TEX10: variants seen among roughly 807,000 people sequenced by gnomAD.
TEX10 encodes the protein testis expressed 10, also known as testis-expressed protein 10.
A neutral mutation model predicts 104.4 loss-of-function variants in TEX10; 24 were observed. The ratio of observed to expected loss-of-function variants is 0.23; its 90% CI spans 0.17 to 0.32. The LOEUF is 0.32. Ranked by LOEUF, TEX10 falls within the 10% of genes least tolerant of loss-of-function variation. The probability of loss-of-function intolerance (pLI) is 1.00; values close to 1 mark genes in which losing one functional copy is unlikely to be tolerated. For missense variants in TEX10, 921 were observed against 1,083.9 expected (o/e 0.85, Z 2.11); for synonymous variants, 396 against 393.4 (o/e 1.01, Z -0.08).
At chr9:100,330,228 G>A in intron 5 of TEX10, 59 bp from the exon 6 acceptor site, 1 of 1,219,066 alleles carries the variant, frequency 8.2e-7, no homozygotes, top group Non-Finnish European at 1.2e-6. Context: ...TGCTTCATTA[G>A]AATACTTAAA....
rs149900274 is a variant in TEX10 at position 100,336,816 on chromosome 9, T to C, written c.1250+3441A>G. On this transcript the variant is annotated intron_variant, in intron 5 of 14. Transcript: ENST00000374902. Reference sequence around the variant, plus strand: ...CTTCCCTAACTGTGATTTGTGCTGCTGTTCACAGGCTATTTGCTAAGTATT... The same window carrying C: ...CTTCCCTAACTGTGATTTGTGCTGCCGTTCACAGGCTATTTGCTAAGTATT... Among the ~76,000 whole-genome samples the C allele has an allele frequency of 3.6e-3, 551 of 152,304 alleles. 1 individual carries two copies. Among genetic ancestry groups the C allele is most frequent in the Non-Finnish European group, 6.1e-3 (412 of 68,016 alleles).
At chr9:100,329,867 T>TAG in intron 6 of TEX10, 64 bp downstream of exon 6, 3 of 1,351,820 alleles carry the variant, frequency 2.2e-6, no homozygotes, top group Non-Finnish European at 3.1e-6. Flanking sequence ...ATTTCAAAGC[T>TAG]AGACCTTAAG....
chr9:100,338,892 A>C (rs1011822099), intron 5 of TEX10, among the ~76,000 whole-genome samples: 8 of 151,898 alleles, frequency 5.3e-5, no homozygotes, highest in African/African-American at 1.7e-4. Context: ...CTCTGTCTCA[A>C]AAAAAAATCA....
At chr9:100,302,823 G>A (rs568163862) in intron 14 of TEX10, among the ~76,000 whole-genome samples, 28 of 152,148 alleles carry the variant, frequency 1.8e-4, no homozygotes, top group African/African-American at 6.3e-4. Flanking sequence ...AAATACTAAT[G>A]AGCACCTGTG....
intron 7 of TEX10, among the ~76,000 whole-genome samples, chr9:100,328,929 G>C (rs1312768791): frequency 6.6e-6 from 1 of 152,178 alleles, no homozygotes; most frequent in Non-Finnish European, 1.5e-5. Flanking sequence ...TGCCTAAGCA[G>C]TCTTTTATCT....
At chr9:100,313,814 C>T (rs1052984766) in intron 11 of TEX10, among the ~76,000 whole-genome samples, 6 of 148,804 alleles carry the variant, frequency 4.0e-5, no homozygotes, top group Admixed American at 1.3e-4. Flanking sequence ...CACTGCACTC[C>T]GGCTTGGGCG....
chr9:100,311,036 G>A (rs1180187699), intron 11 of TEX10, among the ~76,000 whole-genome samples: 1 of 152,090 alleles, frequency 6.6e-6, no homozygotes, highest in African/African-American at 2.4e-5. Context: ...CAGGTTCTCG[G>A]AAACTATGAC....
Position 100,303,642 on chromosome 9 carries a change from T to A in TEX10, c.2666A>T (p.Lys889Met), listed in dbSNP as rs781214874. The change falls in exon 14 of 15, where the codon AAG becomes ATG. Residue 889 changes from lysine to methionine, a missense_variant. This residue lies in a region of TEX10 where 753 missense variants were observed against 868.4 expected (regional missense o/e 0.87). Coordinates refer to ENST00000374902, the MANE Select transcript of TEX10 (RefSeq NM_017746.4). The part of the protein sequence containing the change: ...TNAILVQQII[K>M]NITTLKSGSV... ...TACCATGCTTCTTACCGTGATATTC[T>A]TGATGATCTGCTGCACCAAGATCGC... 1.2e-6 allele frequency: 2 copies of A among 1,614,096 alleles called. No homozygotes were observed. Among genetic ancestry groups the A allele is most frequent in the Non-Finnish European group, 8.5e-7 (1 of 1,180,018 alleles).
chr9:100,312,884 G>A (rs1010950777), intron 11 of TEX10, among the ~76,000 whole-genome samples: 3 of 152,196 alleles, frequency 2.0e-5, no homozygotes, highest in African/African-American at 7.2e-5. Context: ...GATGTCATTG[G>A]CATGACCCTA....
In TEX10 at chr9:100,330,056, C is replaced by G; in HGVS notation, c.1364G>C (p.Ser455Thr). ...ANASTLQKDC[S>T]WIEMIRKFVT... is the part of the protein sequence containing the mutation. ...AAATTTCCTTATCATTTCTATCCAACTGCAATCCTTCTGCAAAGTTGACGC... is the reference window on the plus strand; with the variant it reads ...AAATTTCCTTATCATTTCTATCCAAGTGCAATCCTTCTGCAAAGTTGACGC... Residue 455 changes from serine (S) to threonine (T), a missense_variant, in exon 6 of 15, where the codon AGT (serine) becomes ACT (threonine). This residue lies in a region of TEX10 where 753 missense variants were observed against 868.4 expected (regional missense o/e 0.87). Coordinates refer to ENST00000374902, the MANE Select transcript of TEX10 (RefSeq NM_017746.4). The G allele has an allele frequency of 6.2e-7, 1 of 1,614,168 alleles. No homozygotes were observed. The highest frequency in any genetic ancestry group is 2.2e-5 in the East Asian group (1 of 44,874).
At chr9:100,326,168 A>G (rs946603436) in intron 9 of TEX10, 134 bp downstream of exon 9, 2 of 875,134 alleles carry the variant, frequency 2.3e-6, no homozygotes, top group South Asian at 1.9e-5. Flanking sequence ...ACCTAGTGAT[A>G]TAGTTTTAAT....
intron 11 of TEX10, among the ~76,000 whole-genome samples, chr9:100,312,510 A>G (rs1834306036): frequency 6.6e-6 from 1 of 152,232 alleles, no homozygotes; most frequent in African/African-American, 2.4e-5. Flanking sequence ...TTGAATGACT[A>G]CTTTATGTCC....
At chr9:100,336,562 A>G (rs1193450842) in intron 5 of TEX10, among the ~76,000 whole-genome samples, 2 of 152,220 alleles carry the variant, frequency 1.3e-5, no homozygotes, top group Non-Finnish European at 2.9e-5. Context: ...GTCTAGTTGC[A>G]GGAAAACAAG....
intron 11 of TEX10, among the ~76,000 whole-genome samples, 193 bp from the exon 12 acceptor site, chr9:100,310,572 G>C (rs1209517066): frequency 1.3e-5 from 2 of 151,886 alleles, no homozygotes; most frequent in Non-Finnish European, 2.9e-5. Context: ...CCAGTAGCTG[G>C]GACTACAGGT....
intron 11 of TEX10, among the ~76,000 whole-genome samples, chr9:100,314,431 T>G (rs1834362436): frequency 6.6e-6 from 1 of 152,140 alleles, no homozygotes. Context: ...TCATTATTGG[T>G]CTGTTCAGAT....
At position 100,306,137 on chromosome 9, in the gene TEX10, T is replaced by C. The variant is rs549175038; in HGVS notation, c.2466-2295A>G. ...AAAAGTTGATGAAATAAAATCTCAG[T>C]AGGAGGATTAAGTAAAAGAATTAGC... On this transcript the variant is annotated intron_variant, in intron 13 of 14. Coordinates refer to ENST00000374902, the MANE Select transcript of TEX10 (RefSeq NM_017746.4). 7 of 151,994 alleles carry C rather than the reference T, an allele frequency of 4.6e-5. No individual in the cohort carries two copies. The East Asian group carries it at 1.2e-3, about 25-fold the overall frequency. 9.4% of individuals were successfully genotyped at this position (151,994 alleles called of 1,614,324 possible).
rs1019669978 is a variant in TEX10, at chr9:100,352,839, G to A, written c.-77C>T. 2.0e-6 allele frequency: 2 copies of A among 1,020,782 alleles called. No homozygotes were observed. The highest frequency in any genetic ancestry group is 2.3e-6 in the Non-Finnish European group (2 of 854,690). The allele number at this position is 1,020,782 out of a possible 1,614,324, so 63.2% of individuals were successfully genotyped here. On this transcript the variant is annotated 5_prime_UTR_variant, in exon 1 of 15. Coordinates refer to ENST00000374902, the MANE Select transcript of TEX10 (RefSeq NM_017746.4). ...AAGCGAGGGAGCAGAAGCCCACGGGGCAACAGCGTGCGCCGCCGACCTCAG... is the reference window on the plus strand; with the variant it reads ...AAGCGAGGGAGCAGAAGCCCACGGGACAACAGCGTGCGCCGCCGACCTCAG...
chr9:100,313,513 CAAAA>C (rs34520951), intron 11 of TEX10, among the ~76,000 whole-genome samples: 1 of 108,922 alleles, frequency 9.2e-6, no homozygotes, highest in Admixed American at 9.5e-5. Flanking sequence ...GAAACTTGGT[CAAAA>C]AAAAAAAAAA....
At chr9:100,314,089 C>CT (rs58128151) in intron 11 of TEX10, among the ~76,000 whole-genome samples, 187 of 121,230 alleles carry the variant, frequency 1.5e-3, no homozygotes, top group Non-Finnish European at 2.2e-3. Context: ...GGAGATTTTT[C>CT]TTTTTTTTTT....
Sources: allele counts gnomAD v4.1 joint callset (sites outside exome capture counted in the v4.1 genomes callset), GRCh38; gene constraint gnomAD v4.1.1; regional missense constraint gnomAD v4.1.1; transcripts MANE v1.5; gene names NCBI Gene and HGNC (gene_info 2026-07-23, HGNC 2026-07-21).